The following ZC3H12B variants were observed in gnomAD, a reference collection of about 807,000 sequenced individuals.
ZC3H12B encodes zinc finger CCCH-type containing 12B, also known as probable ribonuclease ZC3H12B.
In ZC3H12B, 7 loss-of-function variants were observed where a neutral mutation model predicts 43.9. That is an observed-to-expected ratio of 0.16 (90% CI 0.09 to 0.30). The LOEUF is 0.30. Ranked by LOEUF, ZC3H12B falls within the 10% of genes least tolerant of loss-of-function variation. The pLI is 1.00. For missense variants in ZC3H12B, 475 were observed against 670.2 expected (o/e 0.71, Z 3.22); for synonymous variants, 222 against 241.7 (o/e 0.92, Z 0.76).
At chrX:65,162,354 C>T in the ZC3H12B span, among the ~76,000 whole-genome samples, 9 of 112,042 alleles carry the variant, frequency 8.0e-5, no homozygotes, top group East Asian at 5.6e-4. Context: ...TAATATCCTG[C>T]GGAGTGTTTT....
chrX:65,098,388 G>A, the ZC3H12B span, among the ~76,000 whole-genome samples: 2 of 111,145 alleles, frequency 1.8e-5, no homozygotes, highest in African/African-American at 6.5e-5. Context: ...ACAAAAGACT[G>A]TAGTAGTGGG....
At chrX:65,248,201 A>G in the ZC3H12B span, among the ~76,000 whole-genome samples, 1 of 110,146 alleles carries the variant, frequency 9.1e-6, no homozygotes, top group Non-Finnish European at 1.9e-5. Context: ...CGCCCAGCTA[A>G]TTTTTGTATT....
the ZC3H12B span, among the ~76,000 whole-genome samples, chrX:65,088,869 G>A: frequency 9.0e-6 from 1 of 111,359 alleles, no homozygotes. Context: ...GTTTACTATT[G>A]TATGTGATTC....
the ZC3H12B span, chrX:65,272,711 A>C: frequency 1.8e-5 from 2 of 111,911 alleles, no homozygotes; most frequent in South Asian, 7.6e-4. Flanking sequence ...GTAGCTCTAA[A>C]ATTACCTGAA....
chrX:65,066,456 G>T, the ZC3H12B span, among the ~76,000 whole-genome samples: 1 of 111,618 alleles, frequency 9.0e-6, no homozygotes, highest in African/African-American at 3.3e-5. Context: ...GTTTCCCTGG[G>T]TATCACCATC....
chrX:65,314,439 G>T, the ZC3H12B span, among the ~76,000 whole-genome samples: 2 of 111,274 alleles, frequency 1.8e-5, no homozygotes, highest in Non-Finnish European at 3.8e-5. Context: ...AGCGGACAGT[G>T]ATTTAAATTA....
chrX:65,382,434 G>A (rs1455504859), intron 2 of ZC3H12B, among the ~76,000 whole-genome samples: 12 of 111,150 alleles, frequency 1.1e-4, no homozygotes, highest in Admixed American at 3.8e-4. Flanking sequence ...AATAAATTAC[G>A]TATTGATGGG....
the ZC3H12B span, among the ~76,000 whole-genome samples, chrX:65,046,742 G>A: frequency 9.0e-6 from 1 of 111,644 alleles, no homozygotes; most frequent in South Asian, 3.7e-4. Context: ...CTTGGCTTTT[G>A]ATATGCCTTC....
At chrX:65,214,281 A>G in the ZC3H12B span, among the ~76,000 whole-genome samples, 1 of 111,533 alleles carries the variant, frequency 9.0e-6, no homozygotes, top group Non-Finnish European at 1.9e-5. Flanking sequence ...TTTTCTTTTC[A>G]TGTAAAATTT....
chrX:65,220,517 C>T, the ZC3H12B span, among the ~76,000 whole-genome samples: 1 of 111,719 alleles, frequency 9.0e-6, no homozygotes. Context: ...ATATTTTATG[C>T]AAATGGACAC....
At chrX:65,209,728 C>G in the ZC3H12B span, among the ~76,000 whole-genome samples, 2 of 108,090 alleles carry the variant, frequency 1.9e-5, no homozygotes, top group Non-Finnish European at 3.8e-5. Context: ...AGATATAGAT[C>G]AATGGAACAG....
At chrX:65,137,279 A>G in the ZC3H12B span, among the ~76,000 whole-genome samples, 1 of 112,293 alleles carries the variant, frequency 8.9e-6, no homozygotes, top group African/African-American at 3.2e-5. Context: ...AGAGATGCCA[A>G]TATTCACTTC....
At chrX:65,327,430 T>C in the ZC3H12B span, among the ~76,000 whole-genome samples, 6 of 111,522 alleles carry the variant, frequency 5.4e-5, no homozygotes, top group Middle Eastern at 0.014. Flanking sequence ...ATTGTGTCTA[T>C]TATGTTAAAA....
At chrX:65,196,775 A>G in the ZC3H12B span, among the ~76,000 whole-genome samples, 4 of 111,665 alleles carry the variant, frequency 3.6e-5, no homozygotes, top group African/African-American at 1.3e-4. Flanking sequence ...CTCTTCCCTC[A>G]GCCCTAATAT....
At chrX:65,288,313 G>C in the ZC3H12B span, among the ~76,000 whole-genome samples, 58 of 110,874 alleles carry the variant, frequency 5.2e-4, no homozygotes, top group Non-Finnish European at 1.0e-3. Flanking sequence ...AATAAGGCCA[G>C]CAATTACCCT....
the ZC3H12B span, among the ~76,000 whole-genome samples, chrX:65,137,875 C>A: frequency 8.9e-6 from 1 of 112,735 alleles, no homozygotes; most frequent in Non-Finnish European, 1.9e-5. Context: ...ATTGCCCAGG[C>A]TGTAGGGCAG....
chrX:65,355,435 C>T, the ZC3H12B span, among the ~76,000 whole-genome samples: 1 of 111,472 alleles, frequency 9.0e-6, no homozygotes, highest in Non-Finnish European at 1.9e-5. Context: ...TCATATGCTT[C>T]ATATAAAAGC....
At chrX:65,186,506 A>C in the ZC3H12B span, 1 of 108,305 alleles carries the variant, frequency 9.2e-6, no homozygotes, top group Non-Finnish European at 1.9e-5. Flanking sequence ...AAAAAAAAAA[A>C]AGTGTCAGGA....
chrX:65,160,541 A>G, the ZC3H12B span, among the ~76,000 whole-genome samples: 1 of 111,192 alleles, frequency 9.0e-6, no homozygotes, highest in Non-Finnish European at 1.9e-5. Flanking sequence ...TTTCTAGTTT[A>G]TTTGCGTAGA....
Sources: gnomAD v4.1 joint callset for allele counts (sites outside exome capture counted in the v4.1 genomes callset) on GRCh38, gnomAD v4.1.1 for gene constraint, MANE v1.5 for transcripts, NCBI Gene and HGNC (gene_info 2026-07-23, HGNC 2026-07-21) for gene names.